BMPR1A: variants seen among roughly 807,000 people sequenced by gnomAD.
The protein encoded by BMPR1A is bone morphogenetic protein receptor type 1A.
Under a neutral mutation model 66.0 loss-of-function variants are expected in BMPR1A, and 7 were observed. The ratio of observed to expected loss-of-function variants is 0.11; its 90% confidence interval spans 0.06 to 0.20. BMPR1A has a LOEUF of 0.20. BMPR1A is among the 10% of genes least tolerant of loss of function. The pLI is 1.00. For synonymous variants in BMPR1A, 200 were observed against 229.7 expected (o/e 0.87, Z 1.17); for missense variants, 408 against 669.1 (o/e 0.61, Z 4.31).
chr10:86,756,082 A>C (rs1286679031), upstream of BMPR1A: 1 of 152,318 alleles, frequency 6.6e-6, no homozygotes, highest in African/African-American at 2.4e-5. Context: ...ATTTCACGCC[A>C]GCTGACTGGC....
At chr10:86,898,479 C>G (rs1031309822) in intron 5 of BMPR1A, among the ~76,000 whole-genome samples, 2 of 152,136 alleles carry the variant, frequency 1.3e-5, no homozygotes, top group African/African-American at 2.4e-5. Context: ...ATCGTAAGAT[C>G]TCTTCGTACA....
intron 1 of BMPR1A, among the ~76,000 whole-genome samples, chr10:86,794,972 C>G (rs990030181): frequency 1.3e-5 from 2 of 151,856 alleles, no homozygotes; most frequent in African/African-American, 4.8e-5. Context: ...CTGCCTCAGC[C>G]TCCCGAGTAG....
chr10:86,761,228 T>C (rs1309535365), intron 1 of BMPR1A, among the ~76,000 whole-genome samples: 2 of 152,210 alleles, frequency 1.3e-5, no homozygotes, highest in Non-Finnish European at 2.9e-5. Context: ...AGACATTGAA[T>C]AGATGAGTAA....
intron 2 of BMPR1A, among the ~76,000 whole-genome samples, chr10:86,866,399 C>CTTTTTTTTTTTT (rs1048293127): frequency 3.9e-4 from 27 of 69,464 alleles, no homozygotes; most frequent in African/African-American, 6.9e-4. Flanking sequence ...AAGTTTCTTT[C>CTTTTTTTTTTTT]TTTTTTTTTT....
At chr10:86,902,338 T>C in intron 7 of BMPR1A, among the ~76,000 whole-genome samples, 1 of 152,068 alleles carries the variant, frequency 6.6e-6, no homozygotes, top group East Asian at 1.9e-4. Context: ...AATCAGCCCT[T>C]TGTAATATGA....
rs529098767 is a variant in BMPR1A, at chr10:86,769,712, C to T, written c.-268+12793C>T. 7.4e-4 allele frequency among the ~76,000 whole-genome samples: 112 copies of T among 152,264 alleles called. 1 individual carries two copies. Among genetic ancestry groups the T allele is most frequent in the African/African-American group, 2.6e-3 (110 of 41,556 alleles). ...TCTCCTTCCCTTGGAGTGTCCTTCC[C>T]TTAGAAACTTAGTGTGGAGAGGTCT... is the stretch of plus-strand genomic sequence containing the variant. On this transcript the variant is annotated intron_variant, in intron 1 of 12. Coordinates refer to ENST00000372037, the MANE Select transcript of BMPR1A (RefSeq NM_004329.3).
intron 5 of BMPR1A, among the ~76,000 whole-genome samples, chr10:86,898,945 G>C (rs1315801143): frequency 6.6e-6 from 1 of 152,100 alleles, no homozygotes; most frequent in Non-Finnish European, 1.5e-5. Context: ...ATATGTATTT[G>C]GACATTTCCA....
At chr10:86,878,024 T>C (rs1564711180) in intron 3 of BMPR1A, among the ~76,000 whole-genome samples, 1 of 152,238 alleles carries the variant, frequency 6.6e-6, no homozygotes, top group Non-Finnish European at 1.5e-5. Flanking sequence ...TTTCAAAAAA[T>C]TATTTTGATA....
chr10:86,880,174 G>T (rs1277733145), intron 3 of BMPR1A, among the ~76,000 whole-genome samples: 1 of 152,166 alleles, frequency 6.6e-6, no homozygotes, highest in Non-Finnish European at 1.5e-5. Context: ...CTGTAAAGTT[G>T]TAGTGGTCCT....
At chr10:86,918,790 T>C (rs1214512829) in intron 9 of BMPR1A, among the ~76,000 whole-genome samples, 2 of 152,078 alleles carry the variant, frequency 1.3e-5, no homozygotes, top group African/African-American at 4.8e-5. Flanking sequence ...GCCCAACTAA[T>C]TTTTGTATTT....
intron 2 of BMPR1A, among the ~76,000 whole-genome samples, chr10:86,842,808 G>A (rs1177973424): frequency 6.6e-6 from 1 of 152,114 alleles, no homozygotes; most frequent in Non-Finnish European, 1.5e-5. Context: ...GAGAATGAGA[G>A]CCAAGTGAAA....
intron 1 of BMPR1A, among the ~76,000 whole-genome samples, chr10:86,788,216 AAG>A (rs1260034900): frequency 6.6e-6 from 1 of 152,214 alleles, no homozygotes; most frequent in African/African-American, 2.4e-5. Flanking sequence ...AAATTTAAAA[AAG>A]AGGCCCATTC....
Position 86,830,025 on chromosome 10 carries a change from G to A in BMPR1A, c.-267-8840G>A, listed in dbSNP as rs565375271. On this transcript the variant is annotated intron_variant, in intron 1 of 12. Transcript: ENST00000372037. ...GGGACCACTACAATAGTGTCTTACAGTGGGTGGGGAGAGAGCGTGGCCTCA... is the reference window on the plus strand; with the variant it reads ...GGGACCACTACAATAGTGTCTTACAATGGGTGGGGAGAGAGCGTGGCCTCA... 2.0e-5 allele frequency among the ~76,000 whole-genome samples: 3 copies of A among 152,304 alleles called. No individual in the cohort carries two copies. In the South Asian group the frequency reaches 6.2e-4, roughly 32 times the overall value.
chr10:86,766,617 C>CTT lies in BMPR1A; in HGVS notation c.-268+9713_-268+9714dup, dbSNP rs71019427. ...CTCCTCCCAACATAATCATATCAGT[C>CTT]TTTTTTTTTTTTTTTTGAGACGGAG... On this transcript the variant is annotated intron_variant, in intron 1 of 12. Coordinates refer to ENST00000372037, the MANE Select transcript of BMPR1A (RefSeq NM_004329.3). Among the ~76,000 whole-genome samples the CTT allele has an allele frequency of 5.6e-3, 730 of 131,224 alleles. 22 individuals carry two copies. Among genetic ancestry groups the CTT allele is most frequent in the African/African-American group, 0.017 (550 of 31,616 alleles). The allele number at this position is 131,224 out of a possible 152,430, so 86.1% of individuals were successfully genotyped here.
At chr10:86,824,081 T>TGTGTGTGTGTGTGTGTGTGTGTG (rs1842157809) in intron 1 of BMPR1A, among the ~76,000 whole-genome samples, 90 of 94,124 alleles carry the variant, frequency 9.6e-4, no homozygotes, top group African/African-American at 2.4e-3. Context: ...TTACCAAGGG[T>TGTGTGTGTGTGTGTGTGTGTGTG]TGTGTGTGTG....
intron 2 of BMPR1A, chr10:86,855,441 A>G (rs368270910): frequency 1.7e-5 from 11 of 637,048 alleles, no homozygotes; most frequent in Non-Finnish European, 2.2e-5. Flanking sequence ...TCTTATGCCT[A>G]TTAGAGTTAT....
chr10:86,812,476 A>G (rs1438598369), intron 1 of BMPR1A, among the ~76,000 whole-genome samples: 2 of 152,182 alleles, frequency 1.3e-5, no homozygotes, highest in African/African-American at 2.4e-5. Context: ...TGCTCTATAC[A>G]TTCATGTATA....
intron 1 of BMPR1A, among the ~76,000 whole-genome samples, chr10:86,811,449 A>G (rs1386778526): frequency 6.6e-6 from 1 of 151,948 alleles, no homozygotes; most frequent in African/African-American, 2.4e-5. Context: ...TAATGGATGG[A>G]TTCTCCCCTT....
intron 1 of BMPR1A, among the ~76,000 whole-genome samples, chr10:86,827,743 T>C (rs1321449237): frequency 6.6e-6 from 1 of 152,204 alleles, no homozygotes; most frequent in Non-Finnish European, 1.5e-5. Flanking sequence ...TAGTTAGAAA[T>C]GTTAAGTAGG....
Sources: allele counts gnomAD v4.1 joint callset (sites outside exome capture counted in the v4.1 genomes callset), GRCh38; gene constraint gnomAD v4.1.1; transcripts MANE v1.5; gene names NCBI Gene and HGNC (gene_info 2026-07-23, HGNC 2026-07-21).